Variants in SRL observed in about 807,000 individuals in gnomAD.
The protein encoded by SRL is sarcalumenin.
In SRL, 23 loss-of-function variants were observed where a neutral mutation model predicts 39.5. The ratio of observed to expected loss-of-function variants is 0.58; its 90% confidence interval spans 0.42 to 0.82. The LOEUF is 0.82. SRL is among the 40% of genes least tolerant of loss of function. SRL has a pLI of 0.00. For synonymous variants in SRL, 272 were observed against 237.4 expected (o/e 1.15, Z -1.34); for missense variants, 592 against 607.8 (o/e 0.97, Z 0.27).
intron 2 of SRL, among the ~76,000 whole-genome samples, chr16:4,204,242 G>A (rs1168167680): frequency 6.6e-6 from 1 of 152,202 alleles, no homozygotes; most frequent in Non-Finnish European, 1.5e-5. Context: ...ACAGCATGGG[G>A]CTGCACTGGC....
At position 4,237,803 on chromosome 16, in the gene SRL, G is replaced by A. The variant is rs1415147784; in HGVS notation, c.61+4204C>T. Among the ~76,000 whole-genome samples the A allele has an allele frequency of 2.6e-5, 4 of 151,986 alleles. No homozygotes were observed. The East Asian group carries it at 5.8e-4, about 22-fold the overall frequency. On this transcript the variant is annotated intron_variant, in intron 1 of 5. Coordinates refer to ENST00000399609, the MANE Select transcript of SRL (RefSeq NM_001098814.2). ...CTGTTCTGAATCCTGCTTTCTTCAA[G>A]GCCCAGCTCAAATATTCCCTCATCC... is the stretch of plus-strand genomic sequence containing the variant.
chr16:4,196,448 GTC>G (rs142605419), intron 4 of SRL, among the ~76,000 whole-genome samples: 5 of 148,032 alleles, frequency 3.4e-5, no homozygotes, highest in East Asian at 2.0e-4. Context: ...GCACTCTGGC[GTC>G]TCTCTCTCTG....
intron 1 of SRL, among the ~76,000 whole-genome samples, chr16:4,220,769 G>A (rs8056036): frequency 0.12 from 18,249 of 151,926 alleles, 1,883 homozygotes; most frequent in African/African-American, 0.28. Flanking sequence ...CAGGGGGATC[G>A]CTTGAGCCCA....
In SRL at chr16:4,190,601, C is replaced by G. The variant is rs544129931; in HGVS notation, c.*1552G>C. ...GCCTTGCAAGACTGTTACAAGTTCT[C>G]TACTCCCTAGAGTCTATGTGATCTC... On this transcript the variant is annotated 3_prime_UTR_variant, in exon 6 of 6. Transcript: ENST00000399609. The G allele has an allele frequency of 2.5e-6, 1 of 397,668 alleles. No individual in the cohort carries two copies. Among genetic ancestry groups the G allele is most frequent in the Non-Finnish European group, 4.4e-6 (1 of 226,020 alleles). The allele number at this position is 397,668 out of a possible 1,614,324, so 24.6% of individuals were successfully genotyped here.
Position 4,192,401 on chromosome 16 carries a change from T to C in SRL, c.1174A>G (p.Lys392Glu). Residue 392 changes from lysine to glutamate, a missense_variant, in exon 6 of 6, where the codon AAA becomes GAA. Coordinates refer to ENST00000399609, the MANE Select transcript of SRL (RefSeq NM_001098814.2). This position sits in a 1 kb window ranked among gnomAD's most constrained non-coding sequence, Gnocchi z 4.0. ...GCCTCGCGGTTGGGAAGGTCAAATT[T>C]GCTGACATTGGTCTTTGCCAGGATG... ...KTILAKTNVS[K>E]FDLPNREAYK... 1 of 1,614,230 alleles carries C rather than the reference T, an allele frequency of 6.2e-7. No homozygotes were observed. Among genetic ancestry groups the C allele is most frequent in the Non-Finnish European group, 8.5e-7 (1 of 1,180,040 alleles).
At chr16:4,232,882 G>A (rs529877707) in intron 1 of SRL, among the ~76,000 whole-genome samples, 13 of 152,328 alleles carry the variant, frequency 8.5e-5, no homozygotes, top group African/African-American at 2.6e-4. Flanking sequence ...AAGGAGGACC[G>A]GGGGCTGCAG....
Position 4,192,255 on chromosome 16 carries a change from C to A in SRL, c.1320G>T (p.Pro440=), listed in dbSNP as rs115413384. 1.2e-6 allele frequency: 2 copies of A among 1,613,734 alleles called. No homozygotes were observed. The highest frequency in any genetic ancestry group is 2.7e-5 in the African/African-American group (2 of 74,890). Residue 440 remains proline, a synonymous_variant, in exon 6 of 6, where the codon CCG becomes CCT. Coordinates refer to ENST00000399609, the MANE Select transcript of SRL (RefSeq NM_001098814.2). The surrounding 1 kb of genome is among the most constrained non-coding windows in gnomAD (Gnocchi z 4.0). ...CGAGCCCGAGGCTACCCAGGAGGCC[C>A]GGAAGCTCCTGAGTGATGGCCCGCT... ...KIERAITQEL[P]GLLGSLGLGK...
intron 1 of SRL, chr16:4,206,618 C>A (rs1249667118): frequency 2.2e-6 from 1 of 448,458 alleles, no homozygotes; most frequent in Non-Finnish European, 4.5e-6. Context: ...TGAAAAGGGC[C>A]TGCCACCCTC....
At chr16:4,225,857 G>A (rs2052582161) in intron 1 of SRL, among the ~76,000 whole-genome samples, 1 of 151,968 alleles carries the variant, frequency 6.6e-6, no homozygotes, top group Non-Finnish European at 1.5e-5. Context: ...GCAAAGAAGA[G>A]GCCAACATCC....
chr16:4,202,950 T>C (rs1477307136), intron 3 of SRL, among the ~76,000 whole-genome samples: 1 of 152,230 alleles, frequency 6.6e-6, no homozygotes, highest in Non-Finnish European at 1.5e-5. Flanking sequence ...CATCGCGCTG[T>C]GCTGGTGAAA....
intron 4 of SRL, among the ~76,000 whole-genome samples, chr16:4,197,057 T>A (rs1019862112): frequency 1.5e-5 from 2 of 130,032 alleles, no homozygotes; most frequent in African/African-American, 6.6e-5. Flanking sequence ...TTTTCCAAAT[T>A]TTCTTTTTTT....
rs570323726 is a variant in SRL at position 4,203,260 on chromosome 16, C to T, written c.165G>A (p.Ala55=). The change falls in exon 3 of 6, where the codon GCG becomes GCA. Residue 55 remains alanine, a splice_region_variant and synonymous_variant. Coordinates refer to ENST00000399609, the MANE Select transcript of SRL (RefSeq NM_001098814.2). Reference sequence around the variant, plus strand: ...AGATCTTCCGAAGCCGCTGCAGCACCGCTGGAGACAGAGAGGGCCGGGGGA... The same window carrying T: ...AGATCTTCCGAAGCCGCTGCAGCACTGCTGGAGACAGAGAGGGCCGGGGGA... ...NEDKPSDDYS[A]VLQRLRKIYH... is the part of the protein sequence containing the mutation. The T allele has an allele frequency of 2.0e-5, 33 of 1,613,798 alleles. No homozygotes were observed. The highest frequency in any genetic ancestry group is 1.1e-4 in the East Asian group (5 of 44,890).
chr16:4,216,835 G>T (rs1050826075), intron 1 of SRL, among the ~76,000 whole-genome samples: 14 of 152,190 alleles, frequency 9.2e-5, no homozygotes, highest in African/African-American at 3.4e-4. Context: ...CAGGTGGCTG[G>T]CTTCCCCCCA....
chr16:4,213,446 G>A (rs868013047), intron 1 of SRL, among the ~76,000 whole-genome samples: 20 of 65,770 alleles, frequency 3.0e-4, no homozygotes, highest in African/African-American at 1.6e-3. Context: ...AGGTCTTGCT[G>A]TCGCCCAGGT....
chr16:4,230,788 C>T (rs912412367), intron 1 of SRL, among the ~76,000 whole-genome samples: 13 of 152,024 alleles, frequency 8.6e-5, no homozygotes, highest in Non-Finnish European at 1.2e-4. Flanking sequence ...TCTTCAATGT[C>T]CTTAGGTGAT....
rs574809851 is a variant in SRL, at chr16:4,239,209, G to A, written c.61+2798C>T. ...GCCAGGGGTGGGAGAGAAAGGGGCG[G>A]GGAAACAGCTTCCTGACCGTCACTG... On this transcript the variant is annotated intron_variant, in intron 1 of 5. Transcript: ENST00000399609. 2.0e-5 allele frequency among the ~76,000 whole-genome samples: 3 copies of A among 152,356 alleles called. 1 individual carries two copies. In the East Asian group the frequency reaches 5.8e-4, roughly 29 times the overall value.
At chr16:4,222,569 C>T (rs1041746291) in intron 1 of SRL, among the ~76,000 whole-genome samples, 2 of 152,136 alleles carry the variant, frequency 1.3e-5, no homozygotes, top group East Asian at 1.9e-4. Context: ...CCACTGCACC[C>T]GGCTTTTTTG....
At chr16:4,217,813 A>G (rs1464304807) in intron 1 of SRL, among the ~76,000 whole-genome samples, 2 of 152,216 alleles carry the variant, frequency 1.3e-5, no homozygotes, top group African/African-American at 2.4e-5. Context: ...TGAGTGGGCC[A>G]CAGCAGAGCC....
At chr16:4,226,901 T>A (rs904349785) in intron 1 of SRL, among the ~76,000 whole-genome samples, 2 of 149,524 alleles carry the variant, frequency 1.3e-5, no homozygotes, top group African/African-American at 5.0e-5. Flanking sequence ...GAAGGATGGA[T>A]GAATGGATGA....
Sources: allele counts gnomAD v4.1 joint callset (sites outside exome capture counted in the v4.1 genomes callset), GRCh38; gene constraint gnomAD v4.1.1; non-coding constraint Gnocchi (gnomAD v3.1); transcripts MANE v1.5; gene names NCBI Gene and HGNC (gene_info 2026-07-23, HGNC 2026-07-21).